Variants in PUM1 observed in about 807,000 individuals in gnomAD.
PUM1 encodes the protein pumilio RNA binding family member 1.
PUM1 carries 13 observed loss-of-function variants against 131.8 expected under a neutral mutation model. The observed-to-expected ratio is 0.10, with a 90% CI of 0.06 to 0.16. The LOEUF (loss-of-function observed/expected upper bound fraction) is 0.16. Ranked by LOEUF, PUM1 falls within the 10% of genes least tolerant of loss-of-function variation. The pLI, the probability that PUM1 is intolerant of heterozygous loss-of-function variation, is 1.00. For missense variants in PUM1, 961 were observed against 1,512.4 expected (o/e 0.64, Z 6.05); for synonymous variants, 509 against 556.5 (o/e 0.91, Z 1.20).
intron 2 of PUM1, among the ~76,000 whole-genome samples, chr1:31,034,578 A>G (rs1643542853): frequency 6.6e-6 from 1 of 152,226 alleles, no homozygotes; most frequent in Non-Finnish European, 1.5e-5. Context: ...AGCAGAGACA[A>G]GGGACTACAG....
At chr1:31,028,925 A>G (rs1225109971) in intron 2 of PUM1, 61 bp from the exon 3 acceptor site, 4 of 1,258,630 alleles carry the variant, frequency 3.2e-6, no homozygotes, top group South Asian at 1.2e-5. Flanking sequence ...TTACATACAC[A>G]TTACACACAA....
intron 3 of PUM1, among the ~76,000 whole-genome samples, chr1:31,010,333 CCT>C (rs1642565053): frequency 1.3e-5 from 2 of 152,172 alleles, no homozygotes; most frequent in Admixed American, 6.5e-5. Flanking sequence ...ATCCCCTTCC[CCT>C]GACTGTGGGC....
chr1:30,947,428 A>G (rs1049093911), intron 17 of PUM1, among the ~76,000 whole-genome samples: 1 of 152,232 alleles, frequency 6.6e-6, no homozygotes, highest in Admixed American at 6.5e-5. Context: ...AATTAATGAA[A>G]AGTGTGCAAA....
At chr1:31,008,400 A>C (rs79152765) in intron 3 of PUM1, among the ~76,000 whole-genome samples, 31 of 62,386 alleles carry the variant, frequency 5.0e-4, no homozygotes, top group East Asian at 6.9e-3. Flanking sequence ...AAGATTGAGA[A>C]AAAAAAAAAA....
intron 3 of PUM1, among the ~76,000 whole-genome samples, chr1:31,026,978 GA>G (rs1391068045): frequency 3.5e-5 from 5 of 143,602 alleles, no homozygotes; most frequent in Admixed American, 6.9e-5. Context: ...TCTGGAAGAA[GA>G]AAAAAATGAT....
chr1:30,985,973 G>C (rs61780462), intron 7 of PUM1, among the ~76,000 whole-genome samples: 1 of 150,290 alleles, frequency 6.7e-6, no homozygotes, highest in Non-Finnish European at 1.5e-5. Flanking sequence ...TTTTTTTTTG[G>C]AGACAGAGTG....
Position 31,020,100 on chromosome 1 carries a change from T to C in PUM1, c.432+8696A>G, listed in dbSNP as rs188955277. Reference sequence around the variant, plus strand: ...TTTTTGGAGTCCTCAGGGTCTACTGTTCCCTTCTTTATGTCTATGTGTACC... The same window carrying C: ...TTTTTGGAGTCCTCAGGGTCTACTGCTCCCTTCTTTATGTCTATGTGTACC... On this transcript the variant is annotated intron_variant, in intron 3 of 21. Coordinates refer to ENST00000426105, the MANE Select transcript of PUM1 (RefSeq NM_001020658.2). 4.6e-5 allele frequency among the ~76,000 whole-genome samples: 7 copies of C among 152,306 alleles called. No individual in the cohort carries two copies. The East Asian group carries it at 9.7e-4, about 21-fold the overall frequency.
At chr1:31,038,984 A>ATATATATATATATATTT in intron 2 of PUM1, among the ~76,000 whole-genome samples, 28 of 49,410 alleles carry the variant, frequency 5.7e-4, no homozygotes, top group African/African-American at 3.5e-3. Context: ...ATATATATAT[A>ATATATATATATATATTT]TTTTTTTTTT....
intron 10 of PUM1, among the ~76,000 whole-genome samples, chr1:30,970,508 T>G (rs1640832546): frequency 6.6e-6 from 1 of 152,234 alleles, no homozygotes; most frequent in Admixed American, 6.5e-5. Flanking sequence ...AAATCACTAT[T>G]ATCAAGATAT....
intron 10 of PUM1, among the ~76,000 whole-genome samples, 162 bp downstream of exon 10, chr1:30,974,489 G>A (rs760978819): frequency 2.6e-5 from 4 of 152,182 alleles, no homozygotes; most frequent in Admixed American, 6.5e-5. Flanking sequence ...AAGACATTCC[G>A]TAAGAGTAGT....
chr1:31,001,987 C>G (rs1642233550), intron 5 of PUM1, among the ~76,000 whole-genome samples: 1 of 152,134 alleles, frequency 6.6e-6, no homozygotes, highest in Non-Finnish European at 1.5e-5. Context: ...TGATAAGCTC[C>G]CAGGTGATGC....
chr1:31,025,881 C>G (rs554019041), intron 3 of PUM1, among the ~76,000 whole-genome samples: 2 of 152,102 alleles, frequency 1.3e-5, no homozygotes, highest in South Asian at 4.2e-4. Context: ...TATACACACT[C>G]CCTCTCAGAG....
At chr1:30,942,191 T>TTTTATATATATATATATATATATA (rs1425100677) in intron 18 of PUM1, 68 bp from the exon 19 acceptor site, 1 of 143,388 alleles carries the variant, frequency 7.0e-6, no homozygotes, top group African/African-American at 6.0e-5. Context: ...TCAGTATTGT[T>TTTTATATATATATATATATATATA]TATATATATA....
Position 30,966,270 on chromosome 1 carries a change from C to T in PUM1, c.1798G>A (p.Ala600Thr), listed in dbSNP as rs762338515. The T allele has an allele frequency of 6.3e-7, 1 of 1,594,842 alleles. No individual in the cohort carries two copies. Among genetic ancestry groups the T allele is most frequent in the Admixed American group, 1.7e-5 (1 of 58,768 alleles). Reference sequence around the variant, plus strand: ...GCTCCATTTGCTGAAGCTGCGGCTGCTGCAACAGCTATGAAGAAGAAAGCA... The same window carrying T: ...GCTCCATTTGCTGAAGCTGCGGCTGTTGCAACAGCTATGAAGAAGAAAGCA... ...SSSAAQAAVA[A>T]AAASANGAAG... Residue 600 changes from alanine to threonine, a missense_variant, in exon 13 of 22, where the codon GCA (alanine) becomes ACA (threonine). Physicochemically the swap from Ala to Thr is moderately conservative, Grantham distance 58. Transcript: ENST00000426105.
chr1:30,957,682 C>T (rs959953357), intron 14 of PUM1, among the ~76,000 whole-genome samples: 2 of 152,216 alleles, frequency 1.3e-5, no homozygotes, highest in Admixed American at 6.5e-5. Context: ...TGTAGTATGT[C>T]ATGCCCATGC....
At chr1:30,966,834 C>G (rs1247735819) in intron 12 of PUM1, among the ~76,000 whole-genome samples, 1 of 151,824 alleles carries the variant, frequency 6.6e-6, no homozygotes, top group Non-Finnish European at 1.5e-5. Context: ...ACAACCCCTC[C>G]TCTAAAATTA....
chr1:31,052,410 T>C (rs1015024688), intron 2 of PUM1, among the ~76,000 whole-genome samples: 7 of 152,072 alleles, frequency 4.6e-5, no homozygotes, highest in African/African-American at 1.7e-4. Context: ...TTTTTCATTT[T>C]TTTTTTCTTT....
intron 5 of PUM1, among the ~76,000 whole-genome samples, chr1:30,995,994 G>A (rs1437256276): frequency 6.6e-6 from 1 of 152,138 alleles, no homozygotes; most frequent in Non-Finnish European, 1.5e-5. Context: ...TGAAGCATTT[G>A]ATACAAAAGA....
intron 18 of PUM1, among the ~76,000 whole-genome samples, chr1:30,945,009 G>C (rs1570096697): frequency 6.6e-6 from 1 of 152,216 alleles, no homozygotes; most frequent in East Asian, 1.9e-4. Flanking sequence ...GAGGCAGGTG[G>C]ATTGCTTGAG....
Sources: allele counts gnomAD v4.1 joint callset (sites outside exome capture counted in the v4.1 genomes callset), GRCh38; gene constraint gnomAD v4.1.1; transcripts MANE v1.5; gene names NCBI Gene and HGNC (gene_info 2026-07-23, HGNC 2026-07-21).